The following DOP1A variants were observed in gnomAD, a reference collection of about 807,000 sequenced individuals.
DOP1A encodes protein DOP1A.
DOP1A carries 90 observed loss-of-function variants against 267.6 expected under a neutral mutation model. The ratio of observed to expected loss-of-function variants is 0.34; its 90% CI spans 0.28 to 0.40. DOP1A has a LOEUF of 0.40. Ranked by LOEUF, DOP1A falls within the 10% of genes least tolerant of loss-of-function variation. The probability of loss-of-function intolerance (pLI) is 1.00; values close to 1 mark genes in which losing one functional copy is unlikely to be tolerated. For synonymous variants in DOP1A, 932 were observed against 999.1 expected, an observed-to-expected ratio of 0.93 and a Z score of 1.27; for missense variants, 2,437 against 2,900.4, an observed-to-expected ratio of 0.84 and a Z score of 3.67.
chr6:83,147,637 AACTG>A (rs1780832025), intron 26 of DOP1A, among the ~76,000 whole-genome samples: 1 of 152,208 alleles, frequency 6.6e-6, no homozygotes, highest in Non-Finnish European at 1.5e-5. Flanking sequence ...TTTTGCGTTT[AACTG>A]ACCTGTGAAC....
intron 4 of DOP1A, among the ~76,000 whole-genome samples, chr6:83,102,118 A>G (rs1374893555): frequency 6.6e-6 from 1 of 152,230 alleles, no homozygotes. Flanking sequence ...AGGCAACTAA[A>G]GTTCAACCTG....
At chr6:83,126,524 A>G (rs1264794024) in intron 15 of DOP1A, among the ~76,000 whole-genome samples, 1 of 152,154 alleles carries the variant, frequency 6.6e-6, no homozygotes, top group Non-Finnish European at 1.5e-5. Flanking sequence ...TCTAATTGGA[A>G]GAAAGATATT....
intron 21 of DOP1A, among the ~76,000 whole-genome samples, chr6:83,139,503 A>G (rs1370769570): frequency 6.6e-6 from 1 of 152,144 alleles, no homozygotes; most frequent in Non-Finnish European, 1.5e-5. Flanking sequence ...GTGCAAATCA[A>G]TTTCAGACTG....
downstream of DOP1A, chr6:83,169,251 G>T (rs143654268): frequency 3.5e-4 from 561 of 1,614,020 alleles, 1 homozygote; most frequent in Non-Finnish European, 4.2e-4. Flanking sequence ...CCTGGTTGGG[G>T]CCTTTCTCCA....
At chr6:83,169,454 T>A (rs1168380763), downstream of DOP1A, 3 of 1,078,804 alleles carry the variant, frequency 2.8e-6, no homozygotes, top group African/African-American at 3.2e-5. Flanking sequence ...CAAATTCTAA[T>A]GAAAACCTTT....
intron 1 of DOP1A, among the ~76,000 whole-genome samples, chr6:83,070,924 C>T (rs1046132103): frequency 8.6e-4 from 131 of 152,188 alleles, no homozygotes; most frequent in African/African-American, 3.1e-3. Context: ...TTCTTTATAT[C>T]AATGTGATTA....
At chr6:83,089,717 A>G (rs1398879542) in intron 1 of DOP1A, among the ~76,000 whole-genome samples, 2 of 152,164 alleles carry the variant, frequency 1.3e-5, no homozygotes, top group East Asian at 1.9e-4. Context: ...TTGTTATTGT[A>G]TCTCCTGGAA....
intron 4 of DOP1A, among the ~76,000 whole-genome samples, chr6:83,105,843 G>A (rs1296916653): frequency 1.3e-5 from 2 of 152,126 alleles, no homozygotes; most frequent in Non-Finnish European, 2.9e-5. Context: ...ATTCATGCCT[G>A]CTACTTTCTA....
chr6:83,110,381 T>C, intron 6 of DOP1A, 67 bp downstream of exon 6: 1 of 1,482,914 alleles, frequency 6.7e-7, no homozygotes, highest in Admixed American at 1.9e-5. Context: ...ATTCCAGACA[T>C]ATATTGAGGA....
rs763170587 is a variant in DOP1A, at chr6:83,130,145, A to C, written c.2364A>C (p.Pro788=). 13 of 1,614,008 alleles carry C rather than the reference A, an allele frequency of 8.1e-6. No individual in the cohort carries two copies. Among genetic ancestry groups the C allele is most frequent in the Non-Finnish European group, 1.0e-5 (12 of 1,179,914 alleles). ...CAGACTGTGAGCATGTGCAGCCTCC[A>C]CAGTGGCTCCAGACTCTGATGAATG... is the stretch of plus-strand genomic sequence containing the variant. ...LETDCEHVQP[P]QWLQTLMNAC... The change falls in exon 17 of 39, where the codon CCA becomes CCC. Residue 788 remains proline (P), a synonymous_variant. Coordinates refer to ENST00000349129, the MANE Select transcript of DOP1A (RefSeq NM_015018.4).
At chr6:83,151,846 G>A (rs1781748848) in intron 28 of DOP1A, 37 bp from the exon 29 acceptor site, 1 of 1,598,296 alleles carries the variant, frequency 6.3e-7, no homozygotes, top group Non-Finnish European at 8.6e-7. Flanking sequence ...GTGTGCATGT[G>A]TGTACCATAC....
At chr6:83,082,250 T>C (rs1256419543) in intron 1 of DOP1A, among the ~76,000 whole-genome samples, 2 of 152,110 alleles carry the variant, frequency 1.3e-5, no homozygotes, top group Admixed American at 6.5e-5. Context: ...AGCCAAGATA[T>C]GGAATCAGCC....
Position 83,137,793 on chromosome 6 carries a change from T to A in DOP1A, c.3751T>A (p.Ser1251Thr), listed in dbSNP as rs138304983. 5.1e-5 allele frequency: 83 copies of A among 1,613,758 alleles called. No homozygotes were observed. In the African/African-American group the frequency reaches 9.3e-4, roughly 18 times the overall value. The part of the protein sequence containing the change: ...ISGTTHTLHD[S>T]SVASIETKSR... ...AGGAACCACACACACTCTTCATGACTCTTCTGTTGCTTCCATAGAAACCAA... is the reference window on the plus strand; with the variant it reads ...AGGAACCACACACACTCTTCATGACACTTCTGTTGCTTCCATAGAAACCAA... Residue 1251 changes from serine to threonine, a missense_variant, in exon 21 of 39, where the codon TCT becomes ACT. Ser to Thr is a moderately conservative substitution (Grantham distance 58, BLOSUM62 1). Coordinates refer to ENST00000349129, the MANE Select transcript of DOP1A (RefSeq NM_015018.4).
chr6:83,129,556 G>A, intron 16 of DOP1A, 48 bp downstream of exon 16: 1 of 1,381,594 alleles, frequency 7.2e-7, no homozygotes, highest in Non-Finnish European at 9.4e-7. Flanking sequence ...TCTGTAGTAT[G>A]TTTTTTCTTT....
chr6:83,105,441 T>A (rs1773446838), intron 4 of DOP1A, among the ~76,000 whole-genome samples: 1 of 131,668 alleles, frequency 7.6e-6, no homozygotes, highest in Non-Finnish European at 1.6e-5. Context: ...CTTGGCCCAC[T>A]GCAACCTCCG....
intron 25 of DOP1A, 78 bp downstream of exon 25, chr6:83,145,736 TAATGTCCTTTC>T: frequency 7.0e-7 from 1 of 1,428,342 alleles, no homozygotes; most frequent in Non-Finnish European, 9.6e-7. Flanking sequence ...TTTTGTACAA[TAATGTCCTTTC>T]AATATAGTAC....
At chr6:83,102,978 C>T (rs984600654) in intron 4 of DOP1A, among the ~76,000 whole-genome samples, 2 of 152,310 alleles carry the variant, frequency 1.3e-5, no homozygotes, top group Admixed American at 1.3e-4. Flanking sequence ...AAATCCAGGT[C>T]TCTGATCAGA....
Position 83,137,165 on chromosome 6 carries a change from TATATC to T in DOP1A, c.3131-6_3131-2del. On this transcript the variant is annotated splice_polypyrimidine_tract_variant and splice_region_variant and intron_variant, in intron 20 of 38. Transcript: ENST00000349129. The stretch of plus-strand genomic sequence containing the variant: ...TTTTCTTCTTTTACTGTTTTTCTCA[TATATC>T]AGTGAGCCAAGTACAACTCATCACA... 6.6e-7 allele frequency: 1 copy of T among 1,522,954 alleles called. No individual in the cohort carries two copies. The highest frequency in any genetic ancestry group is 8.8e-7 in the Non-Finnish European group (1 of 1,137,580). The allele number at this position is 1,522,954 out of a possible 1,614,324, so 94.3% of individuals were successfully genotyped here. A position where few individuals can be genotyped will look rare whatever the true frequency, so the allele number is the denominator to read the frequency against.
rs768928019 is a variant in DOP1A at position 83,125,693 on chromosome 6, G to A, written c.1679G>A (p.Ser560Asn). 1 of 1,613,504 alleles carries A rather than the reference G, an allele frequency of 6.2e-7. No individual in the cohort carries two copies. The highest frequency in any genetic ancestry group is 1.1e-5 in the South Asian group (1 of 91,064). ...ASTGGVLQFP[S>N]GQNNSVKEWE... Reference sequence around the variant, plus strand: ...ACTGGAGGTGTTTTGCAGTTTCCAAGTGGGCAGAACAATTCAGTCAAAGAG... The same window carrying A: ...ACTGGAGGTGTTTTGCAGTTTCCAAATGGGCAGAACAATTCAGTCAAAGAG... The change falls in exon 15 of 39, where the codon AGT becomes AAT. Residue 560 changes from serine to asparagine, a missense_variant. Around this residue, in one of 9 missense-constraint regions of DOP1A, gnomAD observed 498 missense variants for 513.5 expected, o/e 0.97. Transcript: ENST00000349129.
Sources: gnomAD v4.1 joint callset for allele counts (sites outside exome capture counted in the v4.1 genomes callset) on GRCh38, gnomAD v4.1.1 for gene constraint, gnomAD v4.1.1 regional missense constraint, MANE v1.5 for transcripts, NCBI Gene and HGNC (gene_info 2026-07-23, HGNC 2026-07-21) for gene names.